Variants in RAG1 observed in about 807,000 individuals in gnomAD.
RAG1 encodes the protein V(D)J recombination-activating protein 1.
Under a neutral mutation model 62.7 loss-of-function variants are expected in RAG1, and 35 were observed. The ratio of observed to expected loss-of-function variants is 0.56; its 90% CI spans 0.43 to 0.74. RAG1 has a LOEUF of 0.74. RAG1 is among the 30% of genes least tolerant of loss of function. The pLI is 0.00. For synonymous variants in RAG1, 461 were observed against 470.3 expected (o/e 0.98, Z 0.26); for missense variants, 1,169 against 1,278.6 (o/e 0.91, Z 1.31).
In RAG1 at chr11:36,514,962, A is replaced by G. The variant is rs12417096; in HGVS notation, n.330+3924A>G. On this transcript the variant is annotated intron_variant and non_coding_transcript_variant, in intron 1 of 2. Transcript: ENST00000529126. ...AGGCCCTAAAGCTGAAATAAGCTACATTTATAATCCAGAGCCTTAAAGTCA... is the reference window on the plus strand; with the variant it reads ...AGGCCCTAAAGCTGAAATAAGCTACGTTTATAATCCAGAGCCTTAAAGTCA... Among the ~76,000 whole-genome samples, 187 of 152,352 alleles carry G rather than the reference A, an allele frequency of 1.2e-3. 7 individuals carry two copies. The East Asian group carries it at 0.033, about 27-fold the overall frequency.
chr11:36,526,165 A>T (rs1860159112), intron 2 of RAG1, among the ~76,000 whole-genome samples: 1 of 152,148 alleles, frequency 6.6e-6, no homozygotes, highest in South Asian at 2.1e-4. Flanking sequence ...TACATGTGCC[A>T]TGTTGGTTTG....
At chr11:36,540,902 C>T (rs1860406953), downstream of RAG1, among the ~76,000 whole-genome samples, 1 of 152,166 alleles carries the variant, frequency 6.6e-6, no homozygotes, top group Non-Finnish European at 1.5e-5. Flanking sequence ...AAATTGGACT[C>T]AGGGGCACAG....
At position 36,577,366 on chromosome 11, in the gene RAG1, C is replaced by G. The variant is rs761513036; in HGVS notation, c.*930C>G. On this transcript the variant is annotated 3_prime_UTR_variant, in exon 2 of 2. Coordinates refer to ENST00000299440, the MANE Select transcript of RAG1 (RefSeq NM_000448.3). ...TGATGTCTAAAAATATATTTCATGTCTTACTGAAACATTTTGCCAGACTTT... is the reference window on the plus strand; with the variant it reads ...TGATGTCTAAAAATATATTTCATGTGTTACTGAAACATTTTGCCAGACTTT... 1.8e-5 allele frequency: 3 copies of G among 166,952 alleles called. No homozygotes were observed. Among genetic ancestry groups the G allele is most frequent in the Admixed American group, 6.5e-5 (1 of 15,282 alleles). The allele number at this position is 166,952 out of a possible 1,614,324, so 10.3% of individuals were successfully genotyped here. A position where few individuals can be genotyped will look rare whatever the true frequency, so the allele number is the denominator to read the frequency against.
Position 36,577,894 on chromosome 11 carries a change from GTT to G in RAG1, c.*1462_*1463del, listed in dbSNP as rs1198054026. On this transcript the variant is annotated 3_prime_UTR_variant, in exon 2 of 2. Coordinates refer to ENST00000299440, the MANE Select transcript of RAG1 (RefSeq NM_000448.3). ...ATTTTTATGGGGCAGGGGTAAGCAAGTTTTTAAATCATTTGTGTGCTCTGGCT... is the reference window on the plus strand; with the variant it reads ...ATTTTTATGGGGCAGGGGTAAGCAAGTTTAAATCATTTGTGTGCTCTGGCT... The G allele has an allele frequency of 6.0e-6, 1 of 167,066 alleles. No homozygotes were observed. The highest frequency in any genetic ancestry group is 1.5e-5 in the Non-Finnish European group (1 of 68,114). 10.3% of individuals were successfully genotyped at this position (167,066 alleles called of 1,614,324 possible).
At chr11:36,523,445 G>A (rs953867439) in intron 2 of RAG1, among the ~76,000 whole-genome samples, 1 of 152,192 alleles carries the variant, frequency 6.6e-6, no homozygotes, top group African/African-American at 2.4e-5. Flanking sequence ...ATGTGGAACT[G>A]TAAGTCCAAT....
At chr11:36,572,580 T>C (rs1293784401) in intron 1 of RAG1, among the ~76,000 whole-genome samples, 2 of 152,332 alleles carry the variant, frequency 1.3e-5, no homozygotes, top group South Asian at 2.1e-4. Context: ...CTCAGGTTTG[T>C]TGCAGGTTTA....
chr11:36,548,920 CAGGTATA>C (rs1850440459), intron 3 of RAG1, among the ~76,000 whole-genome samples: 1 of 152,148 alleles, frequency 6.6e-6, no homozygotes, highest in African/African-American at 2.4e-5. Context: ...GGTACCAAAA[CAGGTATA>C]TAGACCCATG....
chr11:36,548,659 G>C (rs1032937402), intron 3 of RAG1, among the ~76,000 whole-genome samples: 1 of 152,178 alleles, frequency 6.6e-6, no homozygotes, highest in South Asian at 2.1e-4. Context: ...CATGCTCATG[G>C]ATAGGAAGAA....
intron 1 of RAG1, chr11:36,515,484 A>G (rs1169944291): frequency 6.6e-6 from 1 of 152,226 alleles, no homozygotes; most frequent in Non-Finnish European, 1.5e-5. Flanking sequence ...CCAAAGAAGC[A>G]CATGAAAGGA....
At position 36,575,153 on chromosome 11, in the gene RAG1, G is replaced by C. The variant is rs757701512; in HGVS notation, c.1849G>C (p.Val617Leu). Residue 617 changes from valine to leucine, a missense_variant, in exon 2 of 2, where the codon GTA becomes CTA. This residue lies in a region of RAG1 where 800 missense variants were observed against 943.3 expected (regional missense o/e 0.85). Coordinates refer to ENST00000299440, the MANE Select transcript of RAG1 (RefSeq NM_000448.3). This position sits in a 1 kb window ranked among gnomAD's most constrained non-coding sequence, Gnocchi z 4.1. Reference protein sequence around the residue: ...DVSEKHGSGPVVPEKAVRFSF... With the variant: ...DVSEKHGSGPLVPEKAVRFSF... ...GAGTGAGAAGCATGGGAGTGGGCCTGTAGTTCCAGAAAAGGCAGTCCGTTT... is the reference window on the plus strand; with the variant it reads ...GAGTGAGAAGCATGGGAGTGGGCCTCTAGTTCCAGAAAAGGCAGTCCGTTT... 2 of 1,614,178 alleles carry C rather than the reference G, an allele frequency of 1.2e-6. No homozygotes were observed. The highest frequency in any genetic ancestry group is 1.7e-6 in the Non-Finnish European group (2 of 1,180,014).
intron 1 of RAG1, among the ~76,000 whole-genome samples, chr11:36,516,875 ACAG>A (rs886225090): frequency 2.6e-5 from 4 of 152,240 alleles, no homozygotes; most frequent in African/African-American, 9.6e-5. Context: ...TGCTGGAATT[ACAG>A]GTGTTAACCA....
In RAG1 at chr11:36,576,750, A is replaced by G. The variant is rs956405796; in HGVS notation, c.*314A>G. 1 of 341,632 alleles carries G rather than the reference A, an allele frequency of 2.9e-6. No individual in the cohort carries two copies. The highest frequency in any genetic ancestry group is 5.7e-6 in the Non-Finnish European group (1 of 176,098). The allele number at this position is 341,632 out of a possible 1,614,324, so 21.2% of individuals were successfully genotyped here. Reference sequence around the variant, plus strand: ...TGTGTGTTGGGGAGCTGTCATGTAAATCAAAGCCAAGGTTGTCAAAGAACA... The same window carrying G: ...TGTGTGTTGGGGAGCTGTCATGTAAGTCAAAGCCAAGGTTGTCAAAGAACA... On this transcript the variant is annotated 3_prime_UTR_variant, in exon 2 of 2. Transcript: ENST00000299440.
At chr11:36,521,065 T>C (rs1176195151) in intron 2 of RAG1, among the ~76,000 whole-genome samples, 1 of 151,578 alleles carries the variant, frequency 6.6e-6, no homozygotes, top group African/African-American at 2.4e-5. Flanking sequence ...GTTCAAGTGA[T>C]TCCCCTGCCT....
In RAG1 at chr11:36,579,435, T is replaced by G. The variant is rs1284898715; in HGVS notation, c.*2999T>G. The G allele has an allele frequency of 6.0e-6, 1 of 167,074 alleles. No individual in the cohort carries two copies. The highest frequency in any genetic ancestry group is 1.5e-5 in the Non-Finnish European group (1 of 68,122). The allele number at this position is 167,074 out of a possible 1,614,324, so 10.3% of individuals were successfully genotyped here. A position where few individuals can be genotyped will look rare whatever the true frequency, so the allele number is the denominator to read the frequency against. On this transcript the variant is annotated 3_prime_UTR_variant, in exon 2 of 2. Coordinates refer to ENST00000299440, the MANE Select transcript of RAG1 (RefSeq NM_000448.3). ...CTTATTTTAACTACAGTAATCTACA[T>G]AAATATACCTCAGAAATCATTTTTG... is the stretch of plus-strand genomic sequence containing the variant.
rs954397665 is a variant in RAG1, at chr11:36,577,929, T to A, written c.*1493T>A. On this transcript the variant is annotated 3_prime_UTR_variant, in exon 2 of 2. Coordinates refer to ENST00000299440, the MANE Select transcript of RAG1 (RefSeq NM_000448.3). ...CATTTGTGTGCTCTGGCTCTTTTGATAGAAGAAAGCAACACAAAAGCTCCA... is the reference window on the plus strand; with the variant it reads ...CATTTGTGTGCTCTGGCTCTTTTGAAAGAAGAAAGCAACACAAAAGCTCCA... 1 of 167,114 alleles carries A rather than the reference T, an allele frequency of 6.0e-6. No individual in the cohort carries two copies. The highest frequency in any genetic ancestry group is 1.5e-5 in the Non-Finnish European group (1 of 68,120). The allele number at this position is 167,114 out of a possible 1,614,324, so 10.4% of individuals were successfully genotyped here.
At position 36,519,316 on chromosome 11, in the gene RAG1, C is replaced by T. The variant is rs538494732; in HGVS notation, n.331-816C>T. On this transcript the variant is annotated intron_variant and non_coding_transcript_variant, in intron 1 of 2. Transcript: ENST00000529126. ...TAGAGAAGTGCCAAAAATCGTATTC[C>T]GGAGAGGAAATAAAATATTAGACAT... 2.2e-4 allele frequency among the ~76,000 whole-genome samples: 33 copies of T among 152,144 alleles called. No individual in the cohort carries two copies. In the South Asian group the frequency reaches 5.0e-3, roughly 23 times the overall value.
At chr11:36,548,165 A>G (rs1850427634) in intron 3 of RAG1, among the ~76,000 whole-genome samples, 1 of 152,228 alleles carries the variant, frequency 6.6e-6, no homozygotes, top group African/African-American at 2.4e-5. Context: ...CAGAGCCAAT[A>G]TCATACTGAA....
In RAG1 at chr11:36,573,314, T is replaced by C; in HGVS notation, c.10T>C (p.Ser4Pro). MAA[S>P]FPPTLGLSSA... Reference sequence around the variant, plus strand: ...AGGTACCTCAGCCAGCATGGCAGCCTCTTTCCCACCCACCTTGGGACTCAG... The same window carrying C: ...AGGTACCTCAGCCAGCATGGCAGCCCCTTTCCCACCCACCTTGGGACTCAG... The change falls in exon 2 of 2, where the codon TCT becomes CCT. Residue 4 changes from serine to proline, a missense_variant. Transcript: ENST00000299440. 6.2e-7 allele frequency: 1 copy of C among 1,614,198 alleles called. No individual in the cohort carries two copies. The highest frequency in any genetic ancestry group is 1.1e-5 in the South Asian group (1 of 91,088).
chr11:36,551,661 G>T (rs1383184466), intron 3 of RAG1, among the ~76,000 whole-genome samples: 5 of 139,744 alleles, frequency 3.6e-5, no homozygotes, highest in Non-Finnish European at 1.5e-5. Flanking sequence ...CATTGTGCAG[G>T]TTAGTTACAT....
Sources: gnomAD v4.1 joint callset for allele counts (sites outside exome capture counted in the v4.1 genomes callset) on GRCh38, gnomAD v4.1.1 for gene constraint, gnomAD v4.1.1 regional missense constraint, Gnocchi (gnomAD v3.1) non-coding constraint, MANE v1.5 for transcripts, NCBI Gene and HGNC (gene_info 2026-07-23, HGNC 2026-07-21) for gene names.